PYGL: variants seen among roughly 807,000 people sequenced by gnomAD.
PYGL encodes the protein glycogen phosphorylase, liver form.
Under a neutral mutation model 100.1 loss-of-function variants are expected in PYGL, and 90 were observed. The ratio of observed to expected loss-of-function variants is 0.90; its 90% CI spans 0.76 to 1.07. The LOEUF (loss-of-function observed/expected upper bound fraction) is 1.07, where lower values mean the gene tolerates loss of function less well. PYGL is among the 50% of genes least tolerant of loss of function. The pLI is 0.00. For synonymous variants in PYGL, 373 were observed against 393.0 expected, an observed-to-expected ratio of 0.95 and a Z score of 0.60; for missense variants, 1,016 against 1,057.6, an observed-to-expected ratio of 0.96 and a Z score of 0.55.
rs745756440 is a variant in PYGL at position 50,908,953 on chromosome 14, T to C, written c.2180A>G (p.Tyr727Cys). 6.6e-7 allele frequency: 1 copy of C among 1,524,004 alleles called. No homozygotes were observed. Among genetic ancestry groups the C allele is most frequent in the South Asian group, 1.1e-5 (1 of 88,956 alleles). 94.4% of individuals were successfully genotyped at this position (1,524,004 alleles called of 1,614,324 possible). A position where few individuals can be genotyped will look rare whatever the true frequency, so the allele number is the denominator to read the frequency against. ...TGCCTCATAGTATTCTTTTGCCTCG[T>C]ACCTGTGGGGTAGGGGTGGGTGGGT... ...DDVAALDKKG[Y>C]EAKEYYEALP... Residue 727 changes from tyrosine to cysteine, a missense_variant and splice_region_variant, in exon 18 of 20, where the codon TAC becomes TGC. Coordinates refer to ENST00000216392, the MANE Select transcript of PYGL (RefSeq NM_002863.5).
chr14:50,916,047 C>A, intron 9 of PYGL, 76 bp from the exon 10 acceptor site: 1 of 1,585,744 alleles, frequency 6.3e-7, no homozygotes, highest in Non-Finnish European at 8.6e-7. Flanking sequence ...CTTCTTCAAC[C>A]CTGCCCTGTC....
intron 1 of PYGL, among the ~76,000 whole-genome samples, chr14:50,940,598 T>C (rs910094610): frequency 6.6e-6 from 1 of 152,254 alleles, no homozygotes; most frequent in Admixed American, 6.5e-5. Flanking sequence ...TTTGGGAATA[T>C]ATAAGACTTC....
chr14:50,926,725 C>CAAAAAAAA (rs60411526), intron 4 of PYGL, among the ~76,000 whole-genome samples: 28 of 42,830 alleles, frequency 6.5e-4, no homozygotes, highest in Non-Finnish European at 8.4e-4. Flanking sequence ...GACTCTGTCT[C>CAAAAAAAA]AAAAAAAAAA....
Position 50,924,119 on chromosome 14 carries a change from T to C in PYGL, c.529-19A>G, listed in dbSNP as rs1256236068. 9 of 1,611,554 alleles carry C rather than the reference T, an allele frequency of 5.6e-6. No individual in the cohort carries two copies. The East Asian group carries it at 8.9e-5, about 16-fold the overall frequency. On this transcript the variant is annotated intron_variant, in intron 4 of 19. Transcript: ENST00000216392. ...CTTCTACCTGCAAAAGGATACAGTA[T>C]TGCTTAGAATTTATTTGTCAGGAAA...
At chr14:50,939,015 G>A (rs184904302) in intron 1 of PYGL, among the ~76,000 whole-genome samples, 135 of 152,236 alleles carry the variant, frequency 8.9e-4, no homozygotes, top group African/African-American at 3.2e-3. Context: ...AAATTTTACA[G>A]TTTAATTAAT....
chr14:50,928,230 C>A (rs966110101), intron 4 of PYGL, among the ~76,000 whole-genome samples: 4 of 152,180 alleles, frequency 2.6e-5, no homozygotes, highest in Admixed American at 2.0e-4. Flanking sequence ...CTCTTCTCTG[C>A]ACCTGTGGGA....
intron 16 of PYGL, among the ~76,000 whole-genome samples, chr14:50,910,913 G>T (rs2050390068): frequency 6.6e-6 from 1 of 152,206 alleles, no homozygotes; most frequent in Non-Finnish European, 1.5e-5. Context: ...GACTACAAAG[G>T]TCAGGACCAC....
At chr14:50,933,427 C>T (rs771998169) in intron 3 of PYGL, among the ~76,000 whole-genome samples, 2 of 152,134 alleles carry the variant, frequency 1.3e-5, no homozygotes, top group Non-Finnish European at 2.9e-5. Flanking sequence ...ATGCAAATGG[C>T]TTTCTAGTAA....
chr14:50,917,506 T>C (rs1474967637), intron 7 of PYGL, among the ~76,000 whole-genome samples: 4 of 152,186 alleles, frequency 2.6e-5, no homozygotes, highest in African/African-American at 9.7e-5. Flanking sequence ...TACCAAGTAC[T>C]GGGAAGCAGG....
At chr14:50,940,586 T>C (rs1307182060) in intron 1 of PYGL, among the ~76,000 whole-genome samples, 1 of 152,232 alleles carries the variant, frequency 6.6e-6, no homozygotes, top group Admixed American at 6.5e-5. Flanking sequence ...TCTCTCCTTA[T>C]ATTTGGGAAT....
chr14:50,905,581 G>A (rs1566497980), intron 19 of PYGL, 25 bp from the exon 20 acceptor site: 3 of 1,612,270 alleles, frequency 1.9e-6, no homozygotes, highest in South Asian at 2.2e-5. Flanking sequence ...TGCATATACA[G>A]CCCAGAGTCC....
intron 5 of PYGL, among the ~76,000 whole-genome samples, chr14:50,922,412 A>T (rs1351564654): frequency 6.6e-6 from 1 of 152,220 alleles, no homozygotes; most frequent in Non-Finnish European, 1.5e-5. Context: ...TCATTTAAAT[A>T]TCTTTCATTA....
intron 10 of PYGL, 142 bp from the exon 11 acceptor site, chr14:50,915,641 G>T: frequency 7.3e-7 from 1 of 1,360,546 alleles, no homozygotes; most frequent in Non-Finnish European, 1.0e-6. Flanking sequence ...TTAGCTCTAT[G>T]GAGGTGCCAT....
chr14:50,905,314 C>A lies in PYGL; in HGVS notation c.*78G>T. 1 of 1,452,990 alleles carries A rather than the reference C, an allele frequency of 6.9e-7. No individual in the cohort carries two copies. Among genetic ancestry groups the A allele is most frequent in the Non-Finnish European group, 9.6e-7 (1 of 1,037,982 alleles). The allele number at this position is 1,452,990 out of a possible 1,614,324, so 90.0% of individuals were successfully genotyped here. A position where few individuals can be genotyped will look rare whatever the true frequency, so the allele number is the denominator to read the frequency against. ...TCAACTATTATAGATTATTAGCTAA[C>A]AAAACAAAAACCAGTGAATGTTGTA... On this transcript the variant is annotated 3_prime_UTR_variant, in exon 20 of 20. Transcript: ENST00000216392.
chr14:50,939,079 C>T (rs1040664311), intron 1 of PYGL, among the ~76,000 whole-genome samples: 3 of 152,112 alleles, frequency 2.0e-5, no homozygotes, highest in South Asian at 2.1e-4. Flanking sequence ...CTCCCTCTGT[C>T]GGCCAGGCTG....
In PYGL at chr14:50,944,406, C is replaced by A. The variant is rs1231581588; in HGVS notation, c.-3G>T. ...TGGTCCGTCAGGGGCTTCGCCATGGCTGGGGCGGCGGGCTGCGCGGCGGGC... is the reference window on the plus strand; with the variant it reads ...TGGTCCGTCAGGGGCTTCGCCATGGATGGGGCGGCGGGCTGCGCGGCGGGC... On this transcript the variant is annotated 5_prime_UTR_variant, in exon 1 of 20. Transcript: ENST00000216392. 3.7e-6 allele frequency: 6 copies of A among 1,607,760 alleles called. No homozygotes were observed. The highest frequency in any genetic ancestry group is 5.1e-6 in the Non-Finnish European group (6 of 1,178,132).
chr14:50,924,028 C>G lies in PYGL; in HGVS notation c.601G>C (p.Val201Leu). The change falls in exon 5 of 20, where the codon GTG (valine) becomes CTG (leucine). Residue 201 changes from valine (V) to leucine (L), a missense_variant. Coordinates refer to ENST00000216392, the MANE Select transcript of PYGL (RefSeq NM_002863.5). ...EKSRPEFMLP[V>L]HFYGKVEHTN... ...TGTTCTACTTTTCCATAGAAGTGCA[C>G]AGGCAGCATGAATTCTGGGCGGGAC... The G allele has an allele frequency of 9.3e-6, 15 of 1,613,788 alleles. No homozygotes were observed. The highest frequency in any genetic ancestry group is 1.3e-5 in the Non-Finnish European group (15 of 1,179,686).
intron 4 of PYGL, among the ~76,000 whole-genome samples, 178 bp downstream of exon 4, chr14:50,931,494 GT>G (rs1202786126): frequency 6.6e-6 from 1 of 152,190 alleles, no homozygotes; most frequent in Non-Finnish European, 1.5e-5. Flanking sequence ...AAGGCTCTCT[GT>G]TCTTGGGGAA....
At chr14:50,910,364 T>A (rs375519828) in intron 16 of PYGL, among the ~76,000 whole-genome samples, 40 of 152,348 alleles carry the variant, frequency 2.6e-4, no homozygotes, top group African/African-American at 8.2e-4. Flanking sequence ...ACATTGATAC[T>A]ACATTTCTCT....
Sources: allele counts gnomAD v4.1 joint callset (sites outside exome capture counted in the v4.1 genomes callset), GRCh38; gene constraint gnomAD v4.1.1; transcripts MANE v1.5; gene names NCBI Gene and HGNC (gene_info 2026-07-23, HGNC 2026-07-21).